Variants in NRXN3 observed in about 807,000 individuals in gnomAD.
The protein encoded by NRXN3 is neurexin III.
Under a neutral mutation model 137.6 loss-of-function variants are expected in NRXN3, and 32 were observed. That is an observed-to-expected ratio of 0.23 (90% CI 0.18 to 0.31). The LOEUF is 0.31. Among genes scored for constraint, NRXN3 ranks in the 10% least tolerant of loss-of-function variants. The pLI, the probability that NRXN3 is intolerant of heterozygous loss-of-function variation, is 1.00. For synonymous variants in NRXN3, 798 were observed against 784.5 expected (o/e 1.02, Z -0.29); for missense variants, 1,574 against 2,062.5 (o/e 0.76, Z 4.59).
Position 78,563,134 on chromosome 14 carries a change from G to A in NRXN3, c.758-81986G>A, listed in dbSNP as rs572586387. On this transcript the variant is annotated intron_variant, in intron 4 of 20. Coordinates refer to ENST00000335750, the MANE Select transcript of NRXN3 (RefSeq NM_001330195.2). ...CAGGATGGCAACTGGGTTCCAAGAA[G>A]GGCTATCTGAAGAAAAACTATTCTT... 9.9e-5 allele frequency among the ~76,000 whole-genome samples: 15 copies of A among 152,272 alleles called. No homozygotes were observed. The South Asian group carries it at 2.5e-3, about 25-fold the overall frequency.
intron 2 of NRXN3, among the ~76,000 whole-genome samples, chr14:78,256,704 C>A (rs2069678766): frequency 6.6e-6 from 1 of 152,238 alleles, no homozygotes; most frequent in Non-Finnish European, 1.5e-5. Flanking sequence ...TTCCTAGGAA[C>A]CTGCATCCAT....
intron 4 of NRXN3, among the ~76,000 whole-genome samples, chr14:78,580,100 A>G (rs1294588275): frequency 6.6e-6 from 1 of 152,050 alleles, no homozygotes; most frequent in East Asian, 1.9e-4. Flanking sequence ...TGCCATACCC[A>G]TGTTTGATTG....
intron 15 of NRXN3, among the ~76,000 whole-genome samples, chr14:79,115,286 T>C (rs189944195): frequency 4.0e-5 from 6 of 148,942 alleles, no homozygotes; most frequent in Admixed American, 6.7e-5. Context: ...GATTGCGCCA[T>C]TGCACTCCAG....
chr14:79,172,849 G>A lies in NRXN3; in HGVS notation c.3262+184708G>A, dbSNP rs541294237. Among the ~76,000 whole-genome samples the A allele has an allele frequency of 8.5e-5, 13 of 152,246 alleles. No homozygotes were observed. In the South Asian group the frequency reaches 2.7e-3, roughly 32 times the overall value. On this transcript the variant is annotated intron_variant, in intron 15 of 20. Coordinates refer to ENST00000335750, the MANE Select transcript of NRXN3 (RefSeq NM_001330195.2). ...TAAAACCATTGTAATAAAAAATAAT[G>A]TATGAACCTGGCATGAAAAGTGGGC...
chr14:78,199,695 T>G (rs1476885339), intron 1 of NRXN3, among the ~76,000 whole-genome samples: 2 of 152,108 alleles, frequency 1.3e-5, no homozygotes, highest in East Asian at 3.9e-4. Context: ...GCCTGGAACC[T>G]CAATTGGGGT....
chr14:78,868,762 G>A (rs577619249), intron 10 of NRXN3, among the ~76,000 whole-genome samples: 2 of 151,742 alleles, frequency 1.3e-5, no homozygotes, highest in East Asian at 1.9e-4. Flanking sequence ...AGGAGGTTGT[G>A]GTGAGCCGAG....
rs117800615 is a variant in NRXN3, at chr14:78,670,255, T to C, written c.1221+18929T>C. 6.3e-3 allele frequency among the ~76,000 whole-genome samples: 959 copies of C among 152,358 alleles called. 5 individuals are homozygous for C. The highest frequency in any genetic ancestry group is 0.038 in the East Asian group (195 of 5,190). ...TGTGCCATAATTTCTTAATCCAGTC[T>C]ATCACTGATGGACATCTGCGTTGGT... is the stretch of plus-strand genomic sequence containing the variant. On this transcript the variant is annotated intron_variant, in intron 6 of 20. Transcript: ENST00000335750.
chr14:79,638,729 G>T (rs17764262), intron 16 of NRXN3, among the ~76,000 whole-genome samples: 6,109 of 152,268 alleles, frequency 0.04, 153 homozygotes, highest in Middle Eastern at 0.099. Context: ...CAAGGTGAGT[G>T]GGAAAGGAAC....
At chr14:79,243,168 C>T (rs780921051) in intron 15 of NRXN3, among the ~76,000 whole-genome samples, 1 of 151,956 alleles carries the variant, frequency 6.6e-6, no homozygotes, top group African/African-American at 2.4e-5. Context: ...TATAGATATG[C>T]GAGATTAAAA....
intron 10 of NRXN3, among the ~76,000 whole-genome samples, chr14:78,884,884 A>G (rs2099138907): frequency 6.6e-6 from 1 of 152,124 alleles, no homozygotes. Context: ...AATAGTACCT[A>G]TTACCTAGAG....
intron 8 of NRXN3, among the ~76,000 whole-genome samples, chr14:78,773,171 G>C (rs923416295): frequency 1.3e-5 from 2 of 152,180 alleles, no homozygotes; most frequent in African/African-American, 4.8e-5. Context: ...GCAAACTCAA[G>C]TTCTCTAATT....
chr14:78,285,342 T>G (rs936265665), intron 3 of NRXN3, among the ~76,000 whole-genome samples: 2 of 152,224 alleles, frequency 1.3e-5, no homozygotes, highest in Non-Finnish European at 2.9e-5. Context: ...CTTGAAATTG[T>G]TGAGCTTGTA....
chr14:79,460,991 A>T (rs1567187637), intron 15 of NRXN3, among the ~76,000 whole-genome samples: 1 of 152,354 alleles, frequency 6.6e-6, no homozygotes, highest in East Asian at 1.9e-4. Flanking sequence ...AAAACAGATC[A>T]TTCACTAAAT....
intron 15 of NRXN3, among the ~76,000 whole-genome samples, chr14:79,050,136 G>A (rs1474519206): frequency 6.6e-6 from 1 of 152,100 alleles, no homozygotes; most frequent in African/African-American, 2.4e-5. Flanking sequence ...TCTTACATTT[G>A]CCCTTCATCT....
At chr14:78,527,667 C>A (rs1404661068) in intron 4 of NRXN3, among the ~76,000 whole-genome samples, 1 of 152,114 alleles carries the variant, frequency 6.6e-6, no homozygotes, top group Non-Finnish European at 1.5e-5. Flanking sequence ...CTTTAACTGG[C>A]TAGTGGTGGT....
At position 78,567,400 on chromosome 14, in the gene NRXN3, C is replaced by G. The variant is rs185263980; in HGVS notation, c.758-77720C>G. ...GGATGAGAGAAGGACAAGAGGGTGC[C>G]TATCTCCAGCATGGCTGTGGGGTCG... On this transcript the variant is annotated intron_variant, in intron 4 of 20. Transcript: ENST00000335750. Among the ~76,000 whole-genome samples the G allele has an allele frequency of 2.1e-3, 315 of 152,330 alleles. 4 individuals are homozygous for G. Among genetic ancestry groups the G allele is most frequent in the Admixed American group, 0.016 (251 of 15,304 alleles).
intron 4 of NRXN3, among the ~76,000 whole-genome samples, chr14:78,537,449 G>T (rs1200981858): frequency 3.9e-5 from 6 of 152,060 alleles, no homozygotes. Context: ...CCACTTTTTG[G>T]TGGGGTTGTT....
intron 15 of NRXN3, among the ~76,000 whole-genome samples, chr14:79,181,086 A>G (rs1477225441): frequency 6.6e-6 from 1 of 151,196 alleles, no homozygotes; most frequent in Non-Finnish European, 1.5e-5. Context: ...ATATATATGC[A>G]CACACACATA....
chr14:78,937,181 C>T (rs1287156414), intron 10 of NRXN3, among the ~76,000 whole-genome samples: 1 of 117,892 alleles, frequency 8.5e-6, no homozygotes, highest in East Asian at 2.7e-4. Flanking sequence ...CAGATCGTGC[C>T]ATTGAAAAAA....
Sources: allele counts gnomAD v4.1 joint callset (sites outside exome capture counted in the v4.1 genomes callset), GRCh38; gene constraint gnomAD v4.1.1; transcripts MANE v1.5; gene names NCBI Gene and HGNC (gene_info 2026-07-23, HGNC 2026-07-21).